The following NOL4 variants were observed in gnomAD, a reference collection of about 807,000 sequenced individuals.
NOL4 encodes cancer/testis antigen 125.
Under a neutral mutation model 75.9 loss-of-function variants are expected in NOL4, and 17 were observed. The ratio of observed to expected loss-of-function variants is 0.22; its 90% CI spans 0.15 to 0.34. NOL4 has a LOEUF of 0.34. NOL4 is among the 10% of genes least tolerant of loss of function. The pLI, the probability that NOL4 is intolerant of heterozygous loss-of-function variation, is 1.00. For missense variants in NOL4, 614 were observed against 793.5 expected (o/e 0.77, Z 2.72); for synonymous variants, 292 against 289.9 (o/e 1.01, Z -0.07).
At chr18:34,140,461 G>C (rs1165494336) in intron 1 of NOL4, among the ~76,000 whole-genome samples, 3 of 151,980 alleles carry the variant, frequency 2.0e-5, no homozygotes, top group African/African-American at 7.3e-5. Flanking sequence ...TTTGATCTTT[G>C]TTGGTTTAAG....
chr18:34,148,706 G>A (rs571383287), intron 1 of NOL4, among the ~76,000 whole-genome samples: 15 of 151,986 alleles, frequency 9.9e-5, no homozygotes, highest in Non-Finnish European at 2.1e-4. Flanking sequence ...TAGGTGGAGA[G>A]TTCTGTAGAT....
chr18:34,043,151 C>G (rs949510394), intron 5 of NOL4, among the ~76,000 whole-genome samples: 2 of 152,064 alleles, frequency 1.3e-5, no homozygotes, highest in African/African-American at 4.8e-5. Flanking sequence ...CATGTACTTA[C>G]AGTGTGCATG....
chr18:34,141,267 T>C (rs1600709149), intron 1 of NOL4, among the ~76,000 whole-genome samples: 2 of 152,086 alleles, frequency 1.3e-5, no homozygotes, highest in Admixed American at 6.6e-5. Flanking sequence ...CCCAAGGTAA[T>C]TTATAGATTC....
intron 6 of NOL4, among the ~76,000 whole-genome samples, chr18:33,995,743 AT>A (rs1334137817): frequency 2.0e-5 from 3 of 151,698 alleles, no homozygotes; most frequent in East Asian, 1.9e-4. Flanking sequence ...TGCAAATGTC[AT>A]TTTTTATTGA....
At chr18:34,147,268 G>C (rs2081439704) in intron 1 of NOL4, among the ~76,000 whole-genome samples, 1 of 152,130 alleles carries the variant, frequency 6.6e-6, no homozygotes, top group African/African-American at 2.4e-5. Context: ...AATAGGAGTG[G>C]TGAGAGAGGG....
intron 5 of NOL4, among the ~76,000 whole-genome samples, chr18:34,055,386 T>C (rs547031982): frequency 1.3e-5 from 2 of 152,300 alleles, no homozygotes; most frequent in South Asian, 4.1e-4. Flanking sequence ...GTAGTATTCT[T>C]GGTTGACAGC....
intron 1 of NOL4, among the ~76,000 whole-genome samples, chr18:34,166,157 T>A (rs889673427): frequency 6.6e-6 from 1 of 152,144 alleles, no homozygotes; most frequent in African/African-American, 2.4e-5. Context: ...TATAAGCTTT[T>A]CAAATTTTAA....
intron 10 of NOL4, among the ~76,000 whole-genome samples, chr18:33,868,057 T>A (rs1490977444): frequency 2.0e-5 from 3 of 149,316 alleles, no homozygotes; most frequent in Admixed American, 6.7e-5. Context: ...TTTTTTTTTT[T>A]GAGAGAGTCT....
At chr18:34,125,150 A>G (rs932208223) in intron 2 of NOL4, among the ~76,000 whole-genome samples, 2 of 152,218 alleles carry the variant, frequency 1.3e-5, no homozygotes, top group East Asian at 1.9e-4. Context: ...ACAGGGGTCA[A>G]TGGTTTAACC....
intron 5 of NOL4, among the ~76,000 whole-genome samples, chr18:34,022,092 G>A (rs376516596): frequency 3.4e-5 from 5 of 147,388 alleles, no homozygotes; most frequent in Admixed American, 1.4e-4. Flanking sequence ...CAACAAGAGC[G>A]AAACTGCATC....
chr18:33,868,209 T>A (rs922161164), intron 10 of NOL4, among the ~76,000 whole-genome samples: 2 of 144,988 alleles, frequency 1.4e-5, no homozygotes, highest in Non-Finnish European at 3.1e-5. Context: ...GGCACCTGGG[T>A]AATTTTTTTT....
chr18:33,976,143 G>C (rs1600118976), intron 6 of NOL4, among the ~76,000 whole-genome samples: 1 of 152,138 alleles, frequency 6.6e-6, no homozygotes, highest in East Asian at 1.9e-4. Context: ...GAGAAATACA[G>C]GTCAGGGGCT....
chr18:34,000,074 A>T (rs2073587021), intron 6 of NOL4, among the ~76,000 whole-genome samples: 1 of 152,142 alleles, frequency 6.6e-6, no homozygotes. Flanking sequence ...CATTTCTAAA[A>T]TGGAGGATAT....
At chr18:34,042,620 A>G (rs2076188545) in intron 5 of NOL4, among the ~76,000 whole-genome samples, 1 of 152,104 alleles carries the variant, frequency 6.6e-6, no homozygotes, top group Non-Finnish European at 1.5e-5. Flanking sequence ...AAATTGGTAG[A>G]TAAGTGATAA....
intron 5 of NOL4, among the ~76,000 whole-genome samples, chr18:34,062,158 T>C (rs911791038): frequency 6.6e-5 from 10 of 152,044 alleles, no homozygotes; most frequent in Admixed American, 2.0e-4. Flanking sequence ...GGTATTCTGT[T>C]CACCGACGTA....
At chr18:34,025,316 C>A (rs2075287996) in intron 5 of NOL4, among the ~76,000 whole-genome samples, 1 of 152,080 alleles carries the variant, frequency 6.6e-6, no homozygotes, top group African/African-American at 2.4e-5. Context: ...AACTTAATTA[C>A]CTTGGTTAAC....
At chr18:33,894,778 T>A (rs1174976019) in intron 9 of NOL4, among the ~76,000 whole-genome samples, 4 of 152,012 alleles carry the variant, frequency 2.6e-5, no homozygotes, top group Non-Finnish European at 5.9e-5. Flanking sequence ...AAAGTTGAAA[T>A]CAGAGAAGTA....
At chr18:34,052,735 T>A (rs2076676035) in intron 5 of NOL4, among the ~76,000 whole-genome samples, 1 of 152,070 alleles carries the variant, frequency 6.6e-6, no homozygotes, top group Admixed American at 6.6e-5. Flanking sequence ...AAGTGCTAAT[T>A]ATTTTTATAA....
intron 9 of NOL4, among the ~76,000 whole-genome samples, chr18:33,932,746 T>A (rs1327424974): frequency 6.6e-6 from 1 of 152,048 alleles, no homozygotes; most frequent in Non-Finnish European, 1.5e-5. Flanking sequence ...GAGGATTGGA[T>A]CAAAATGGGG....
Sources: allele counts gnomAD v4.1 joint callset (sites outside exome capture counted in the v4.1 genomes callset), GRCh38; gene constraint gnomAD v4.1.1; transcripts MANE v1.5; gene names NCBI Gene and HGNC (gene_info 2026-07-23, HGNC 2026-07-21).